Variants in SSBP3 observed in about 807,000 individuals in gnomAD.
SSBP3 encodes the protein single-stranded DNA-binding protein 3.
Under a neutral mutation model 69.6 loss-of-function variants are expected in SSBP3, and 5 were observed. That is an observed-to-expected ratio of 0.07 (90% confidence interval 0.04 to 0.15). SSBP3 has a LOEUF of 0.15. SSBP3 is among the 10% of genes least tolerant of loss of function. The pLI is 1.00. For missense variants in SSBP3, 312 were observed against 534.0 expected, an observed-to-expected ratio of 0.58 and a Z score of 4.10; for synonymous variants, 196 against 193.4, an observed-to-expected ratio of 1.01 and a Z score of -0.11.
intron 4 of SSBP3, among the ~76,000 whole-genome samples, chr1:54,396,423 G>C (rs944568836): frequency 3.3e-5 from 5 of 152,096 alleles, no homozygotes; most frequent in Non-Finnish European, 5.9e-5. Flanking sequence ...TACAGCTAGT[G>C]CCACATTTCT....
chr1:54,295,146 G>A (rs1645682982), intron 4 of SSBP3, among the ~76,000 whole-genome samples: 1 of 152,022 alleles, frequency 6.6e-6, no homozygotes, highest in East Asian at 1.9e-4. Context: ...TGAAACTTGA[G>A]AGGGGCAGAG....
At chr1:54,228,144 C>G in intron 17 of SSBP3, 111 bp downstream of exon 17, 1 of 992,632 alleles carries the variant, frequency 1.0e-6, no homozygotes. Context: ...AACCATAACA[C>G]GGCCACCAGC....
intron 4 of SSBP3, among the ~76,000 whole-genome samples, chr1:54,383,926 A>C (rs1161141397): frequency 1.3e-5 from 2 of 152,086 alleles, no homozygotes; most frequent in African/African-American, 2.4e-5. Flanking sequence ...CTAACACAGC[A>C]AAACCCCATC....
At chr1:54,344,953 G>A (rs912209943) in intron 4 of SSBP3, among the ~76,000 whole-genome samples, 1 of 152,240 alleles carries the variant, frequency 6.6e-6, no homozygotes, top group African/African-American at 2.4e-5. Flanking sequence ...ATTGCATTTG[G>A]TGCGTGTGGT....
At chr1:54,264,705 G>A (rs2100784687) in intron 5 of SSBP3, among the ~76,000 whole-genome samples, 1 of 152,340 alleles carries the variant, frequency 6.6e-6, no homozygotes, top group South Asian at 2.1e-4. Context: ...AGAGTTCTCT[G>A]TAAACTGCTG....
chr1:54,294,155 AAAAAAAAGAAAGAAAGAAAG>A (rs1645658602), intron 4 of SSBP3, among the ~76,000 whole-genome samples: 2 of 101,458 alleles, frequency 2.0e-5, no homozygotes, highest in African/African-American at 3.3e-5. Context: ...AAAAAAAAAA[AAAAAAAAGAAAGAAAGAAAG>A]AAAGAAAGAA....
intron 4 of SSBP3, among the ~76,000 whole-genome samples, chr1:54,370,039 G>C (rs560609996): frequency 1.5e-4 from 23 of 152,262 alleles, no homozygotes; most frequent in African/African-American, 5.3e-4. Context: ...TCAACTGGGA[G>C]GGTTCCATCA....
At chr1:54,378,699 T>G (rs1569990433) in intron 4 of SSBP3, among the ~76,000 whole-genome samples, 1 of 152,274 alleles carries the variant, frequency 6.6e-6, no homozygotes, top group Non-Finnish European at 1.5e-5. Context: ...TTCTGTTGTT[T>G]CGAGGGGAGT....
chr1:54,235,099 C>T (rs116111600), intron 14 of SSBP3, among the ~76,000 whole-genome samples: 24 of 152,264 alleles, frequency 1.6e-4, no homozygotes, highest in African/African-American at 5.5e-4. Flanking sequence ...ACACAAAGTA[C>T]CTCCGGTTTT....
At chr1:54,229,702 C>A (rs555503661) in intron 14 of SSBP3, among the ~76,000 whole-genome samples, 1 of 152,320 alleles carries the variant, frequency 6.6e-6, no homozygotes, top group East Asian at 1.9e-4. Flanking sequence ...CTGAGCCCAG[C>A]CTGGAGCGCC....
At chr1:54,408,212 C>T (rs1338972172), upstream of SSBP3, among the ~76,000 whole-genome samples, 1 of 152,148 alleles carries the variant, frequency 6.6e-6, no homozygotes, top group Non-Finnish European at 1.5e-5. Context: ...GCGCTAGTCC[C>T]TATTTTAAAG....
chr1:54,330,472 G>A (rs1569835149), intron 4 of SSBP3, among the ~76,000 whole-genome samples: 1 of 152,202 alleles, frequency 6.6e-6, no homozygotes, highest in Non-Finnish European at 1.5e-5. Context: ...TTCTGGCATT[G>A]AGTGTAAAAT....
At chr1:54,290,852 C>T (rs145697488) in intron 4 of SSBP3, among the ~76,000 whole-genome samples, 75 of 152,292 alleles carry the variant, frequency 4.9e-4, no homozygotes, top group Admixed American at 4.0e-3. Flanking sequence ...ATCAACAGCT[C>T]GGTATTTGTA....
At chr1:54,274,487 C>T (rs1221469922) in intron 5 of SSBP3, among the ~76,000 whole-genome samples, 1 of 152,160 alleles carries the variant, frequency 6.6e-6, no homozygotes. Context: ...CCAGGTAAGG[C>T]GTCTGCTAAG....
intron 4 of SSBP3, among the ~76,000 whole-genome samples, chr1:54,292,240 C>T (rs7512156): frequency 0.035 from 5,385 of 152,342 alleles, 336 homozygotes; most frequent in African/African-American, 0.12. Context: ...AAACCCAGGT[C>T]TACCTGACTT....
chr1:54,400,708 T>C (rs569196732), intron 4 of SSBP3, among the ~76,000 whole-genome samples: 11 of 152,356 alleles, frequency 7.2e-5, no homozygotes, highest in African/African-American at 2.2e-4. Context: ...TCAAAACCAG[T>C]AGGCCACCAC....
intron 14 of SSBP3, among the ~76,000 whole-genome samples, chr1:54,231,287 C>CT (rs1170012574): frequency 6.6e-6 from 1 of 152,226 alleles, no homozygotes; most frequent in Non-Finnish European, 1.5e-5. Context: ...TTCCTAATGA[C>CT]TAACGATGCT....
intron 4 of SSBP3, among the ~76,000 whole-genome samples, chr1:54,370,118 G>T (rs963369909): frequency 1.3e-5 from 2 of 152,128 alleles, no homozygotes; most frequent in African/African-American, 4.8e-5. Context: ...TCCAATGCAA[G>T]CAAACCTTCT....
At chr1:54,260,952 T>C (rs1420729435) in intron 5 of SSBP3, among the ~76,000 whole-genome samples, 1 of 152,154 alleles carries the variant, frequency 6.6e-6, no homozygotes, top group Non-Finnish European at 1.5e-5. Context: ...AGAGCTCCTC[T>C]CCCACCTGCA....
Sources: gnomAD v4.1 joint callset for allele counts (sites outside exome capture counted in the v4.1 genomes callset) on GRCh38, gnomAD v4.1.1 for gene constraint, MANE v1.5 for transcripts, NCBI Gene and HGNC (gene_info 2026-07-23, HGNC 2026-07-21) for gene names.